The following CYP20A1 variants were observed in gnomAD, a reference collection of about 807,000 sequenced individuals.
CYP20A1 encodes the protein cytochrome P450 family 20 subfamily A member 1, also known as cytochrome P450 20A1.
Under a neutral mutation model 61.4 loss-of-function variants are expected in CYP20A1, and 61 were observed. That is an observed-to-expected ratio of 0.99 (90% confidence interval 0.81 to 1.23). CYP20A1 has a LOEUF of 1.23. Among genes scored for constraint, CYP20A1 ranks in the 50% most tolerant of loss-of-function variants. The pLI is 0.00. For missense variants in CYP20A1, 530 were observed against 542.4 expected, an observed-to-expected ratio of 0.98 and a Z score of 0.23; for synonymous variants, 193 against 188.2, an observed-to-expected ratio of 1.03 and a Z score of -0.21.
intron 6 of CYP20A1, among the ~76,000 whole-genome samples, chr2:203,273,177 A>G (rs139341111): frequency 1.2e-4 from 19 of 152,222 alleles, no homozygotes; most frequent in Admixed American, 5.9e-4. Context: ...GCTTTTTTCT[A>G]TATTTTCTAC....
intron 6 of CYP20A1, among the ~76,000 whole-genome samples, chr2:203,278,265 C>A (rs2067903578): frequency 6.6e-6 from 1 of 152,186 alleles, no homozygotes; most frequent in African/African-American, 2.4e-5. Flanking sequence ...CAGAGCAAGA[C>A]TGTGTCTCAA....
chr2:203,265,482 A>G (rs2067287869), intron 4 of CYP20A1, among the ~76,000 whole-genome samples: 1 of 152,132 alleles, frequency 6.6e-6, no homozygotes, highest in South Asian at 2.1e-4. Flanking sequence ...TTGTACACTA[A>G]TTATTCATTT....
intron 3 of CYP20A1, among the ~76,000 whole-genome samples, 186 bp from the exon 4 acceptor site, chr2:203,251,781 A>G (rs989497549): frequency 1.4e-4 from 8 of 58,324 alleles, no homozygotes; most frequent in Non-Finnish European, 2.7e-4. Context: ...AAAGAAAACT[A>G]TATATATATG....
At chr2:203,292,816 G>A (rs929394675) in intron 11 of CYP20A1, among the ~76,000 whole-genome samples, 3 of 151,378 alleles carry the variant, frequency 2.0e-5, no homozygotes, top group African/African-American at 4.8e-5. Context: ...TCTGCTATTT[G>A]CTACTCTTTG....
chr2:203,264,872 G>C (rs1286015793), intron 4 of CYP20A1, among the ~76,000 whole-genome samples: 1 of 152,074 alleles, frequency 6.6e-6, no homozygotes. Flanking sequence ...TGGGACTACA[G>C]ATGCTTGCCA....
Position 203,304,322 on chromosome 2 carries a change from C to T in CYP20A1, c.*7414C>T, listed in dbSNP as rs918565914. Among the ~76,000 whole-genome samples, 2 of 152,090 alleles carry T rather than the reference C, an allele frequency of 1.3e-5. No homozygotes were observed. The highest frequency in any genetic ancestry group is 2.9e-5 in the Non-Finnish European group (2 of 67,990). The stretch of plus-strand genomic sequence containing the variant: ...AAGCGATTCTCCTGCCTCAGCCTCC[C>T]GAGTAGCTGCGACTACAGGCGAGTG... On this transcript the variant is annotated 3_prime_UTR_variant, in exon 13 of 13. Transcript: ENST00000356079.
At chr2:203,260,075 G>A (rs1017702677) in intron 4 of CYP20A1, among the ~76,000 whole-genome samples, 3 of 149,914 alleles carry the variant, frequency 2.0e-5, no homozygotes, top group Admixed American at 6.7e-5. Flanking sequence ...TACAGGCACC[G>A]ACCACCATGC....
At chr2:203,254,805 A>G (rs1462977923) in intron 4 of CYP20A1, among the ~76,000 whole-genome samples, 1 of 152,132 alleles carries the variant, frequency 6.6e-6, no homozygotes, top group African/African-American at 2.4e-5. Context: ...CCTGGCCACC[A>G]TGGTGAAAGT....
At chr2:203,283,151 T>G (rs1035212722) in intron 8 of CYP20A1, among the ~76,000 whole-genome samples, 1 of 147,524 alleles carries the variant, frequency 6.8e-6, no homozygotes, top group South Asian at 2.3e-4. Flanking sequence ...CACTCCAGCC[T>G]GGGTGACAGA....
chr2:203,282,348 G>C (rs1176932746), intron 8 of CYP20A1, among the ~76,000 whole-genome samples: 2 of 151,832 alleles, frequency 1.3e-5, no homozygotes, highest in African/African-American at 2.4e-5. Context: ...TTTTAAAAAT[G>C]CCTATTTGTT....
At chr2:203,267,497 G>A (rs547864930) in intron 5 of CYP20A1, among the ~76,000 whole-genome samples, 106 of 148,894 alleles carry the variant, frequency 7.1e-4, no homozygotes, top group Admixed American at 4.1e-3. Flanking sequence ...CCGCACCACT[G>A]CACTTCAGCT....
intron 5 of CYP20A1, among the ~76,000 whole-genome samples, chr2:203,271,793 T>C (rs1012059128): frequency 5.3e-5 from 8 of 152,194 alleles, no homozygotes; most frequent in Non-Finnish European, 1.0e-4. Flanking sequence ...CCCAGCACTT[T>C]GGGAGGCTGA....
intron 11 of CYP20A1, 100 bp from the exon 12 acceptor site, chr2:203,296,374 A>G: frequency 1.6e-6 from 1 of 639,278 alleles, no homozygotes; most frequent in Non-Finnish European, 2.7e-6. Context: ...TTCTATTTTC[A>G]GTTGATTTTT....
chr2:203,296,960 TAAAA>T lies in CYP20A1; in HGVS notation c.*57_*60del. On this transcript the variant is annotated 3_prime_UTR_variant, in exon 13 of 13. Transcript: ENST00000356079. ...AAATTGATTGAGGAAAACAACCATT[TAAAA>T]AAAATCTATGTTGAATCCTTTTATA... The T allele has an allele frequency of 9.1e-7, 1 of 1,099,392 alleles. No individual in the cohort carries two copies. The highest frequency in any genetic ancestry group is 1.6e-5 in the South Asian group (1 of 61,500). The allele number at this position is 1,099,392 out of a possible 1,614,324, so 68.1% of individuals were successfully genotyped here.
chr2:203,258,005 G>GCACAATTATAGCTCACTGGAGCATCGA (rs1455916330), intron 4 of CYP20A1, among the ~76,000 whole-genome samples: 233 of 151,698 alleles, frequency 1.5e-3, no homozygotes, highest in Middle Eastern at 6.9e-3. Flanking sequence ...GGGCTGAAGG[G>GCACAATTATAGCTCACTGGAGCATCGA]ATCCTCCTGC....
In CYP20A1 at chr2:203,302,956, G is replaced by A. The variant is rs1449800707; in HGVS notation, c.*6048G>A. On this transcript the variant is annotated 3_prime_UTR_variant, in exon 13 of 13. Coordinates refer to ENST00000356079, the MANE Select transcript of CYP20A1 (RefSeq NM_177538.3). ...TCTGCCCAACTCAGCCTCCCAGAGTGCTGGGATTACAAGCATGAGCCACCG... is the reference window on the plus strand; with the variant it reads ...TCTGCCCAACTCAGCCTCCCAGAGTACTGGGATTACAAGCATGAGCCACCG... 6.6e-6 allele frequency among the ~76,000 whole-genome samples: 1 copy of A among 152,028 alleles called. No homozygotes were observed. Among genetic ancestry groups the A allele is most frequent in the Non-Finnish European group, 1.5e-5 (1 of 68,010 alleles).
chr2:203,271,801 TGAG>T (rs1269016019), intron 5 of CYP20A1, among the ~76,000 whole-genome samples: 1 of 152,174 alleles, frequency 6.6e-6, no homozygotes, highest in African/African-American at 2.4e-5. Flanking sequence ...TTTGGGAGGC[TGAG>T]GTGGGTGGAT....
intron 1 of CYP20A1, among the ~76,000 whole-genome samples, chr2:203,239,960 G>C (rs1269088924): frequency 6.6e-6 from 1 of 152,188 alleles, no homozygotes. Flanking sequence ...GCTGGCTGTG[G>C]TGGCGGGCGC....
At chr2:203,269,851 A>C (rs1375625091) in intron 5 of CYP20A1, among the ~76,000 whole-genome samples, 1 of 151,662 alleles carries the variant, frequency 6.6e-6, no homozygotes, top group Non-Finnish European at 1.5e-5. Context: ...CTGGTCTCGA[A>C]CTCCTGACCT....
Sources: allele counts gnomAD v4.1 joint callset (sites outside exome capture counted in the v4.1 genomes callset), GRCh38; gene constraint gnomAD v4.1.1; transcripts MANE v1.5; gene names NCBI Gene and HGNC (gene_info 2026-07-23, HGNC 2026-07-21).